The following IQANK1 variants were observed in gnomAD, a reference collection of about 807,000 sequenced individuals.
IQANK1 encodes the protein IQ motif and ankyrin repeat domain-containing protein 1.
IQANK1 carries 30 observed loss-of-function variants against 22.6 expected under a neutral mutation model. The observed-to-expected ratio is 1.33, with a 90% confidence interval of 0.99 to 1.80. The LOEUF (loss-of-function observed/expected upper bound fraction) is 1.80, where lower values mean the gene tolerates loss of function less well. Among genes scored for constraint, IQANK1 ranks in the 40% most tolerant of loss-of-function variants. The pLI is 0.00. For missense variants in IQANK1, 275 were observed against 235.2 expected (o/e 1.17, Z -1.11); for synonymous variants, 122 against 99.6 (o/e 1.23, Z -1.34).
At chr8:143,773,670 A>G (rs1554630051) in intron 7 of IQANK1, among the ~76,000 whole-genome samples, 1 of 152,140 alleles carries the variant, frequency 6.6e-6, no homozygotes, top group African/African-American at 2.4e-5. Context: ...TTGCCCAGCT[A>G]GGGACCCACC....
At chr8:143,750,691 A>G (rs1317748837) in intron 3 of IQANK1, among the ~76,000 whole-genome samples, 4 of 152,068 alleles carry the variant, frequency 2.6e-5, no homozygotes, top group Non-Finnish European at 5.9e-5. Flanking sequence ...GCATGTGCCT[A>G]TAGTGCTAGC....
intron 3 of IQANK1, chr8:143,742,489 G>C (rs554294291): frequency 2.2e-6 from 1 of 455,948 alleles, no homozygotes; most frequent in Non-Finnish European, 4.4e-6. Context: ...CCCGGGACTC[G>C]CCTGTGTCAT....
chr8:143,744,486 A>T (rs1389466432), intron 3 of IQANK1: 2 of 152,186 alleles, frequency 1.3e-5, no homozygotes, highest in African/African-American at 4.8e-5. Flanking sequence ...TACAGAGGCT[A>T]TGTTGGTCGG....
At chr8:143,781,312 G>A (rs1426108859) in intron 7 of IQANK1, among the ~76,000 whole-genome samples, 2 of 152,152 alleles carry the variant, frequency 1.3e-5, no homozygotes, top group African/African-American at 4.8e-5. Flanking sequence ...CTATGCAGAA[G>A]CTCTCATGTT....
intron 3 of IQANK1, among the ~76,000 whole-genome samples, chr8:143,761,890 T>C (rs1237224428): frequency 6.6e-5 from 10 of 151,534 alleles, no homozygotes; most frequent in African/African-American, 2.4e-4. Flanking sequence ...TCCTAACATA[T>C]ATGATGTATA....
rs1554629825 is a variant in IQANK1 at position 143,771,935 on chromosome 8, C to G, written c.441C>G (p.Asp147Glu). The G allele has an allele frequency of 2.6e-6, 1 of 380,066 alleles. No homozygotes were observed. Among genetic ancestry groups the G allele is most frequent in the Non-Finnish European group, 4.5e-6 (1 of 220,854 alleles). 23.5% of individuals were successfully genotyped at this position (380,066 alleles called of 1,614,324 possible). A position where few individuals can be genotyped will look rare whatever the true frequency, so the allele number is the denominator to read the frequency against. The change falls in exon 5 of 14, where the codon GAC (aspartate) becomes GAG (glutamate). Residue 147 changes from aspartate to glutamate, a missense_variant. Physicochemically the swap from Asp to Glu is conservative, Grantham distance 45. Transcript: ENST00000527139. This position sits in a 1 kb window ranked among gnomAD's most constrained non-coding sequence, Gnocchi z 6.0. Reference protein sequence around the residue: ...RRLLDAAFDGDVGEIRAVLKE... With the variant: ...RRLLDAAFDGEVGEIRAVLKE... ...TGCTGGACGCCGCCTTCGACGGGGA[C>G]GTGGGCGAGATCCGGGCGGTGCTGA...
intron 3 of IQANK1, among the ~76,000 whole-genome samples, chr8:143,761,075 G>A (rs1379447228): frequency 1.3e-5 from 2 of 152,236 alleles, no homozygotes; most frequent in Non-Finnish European, 2.9e-5. Flanking sequence ...GCGTCAATGC[G>A]GGTTTCGCCG....
chr8:143,739,625 C>T (rs949441324), intron 2 of IQANK1: 4 of 419,100 alleles, frequency 9.5e-6, no homozygotes, highest in Non-Finnish European at 4.2e-6. Flanking sequence ...TGCCTTCCTG[C>T]GGGCTGGCTC....
chr8:143,756,517 T>C lies in IQANK1; in HGVS notation c.176-14971T>C, dbSNP rs146877053. ...TCTTATGTTTCATCTTCATTCATGG[T>C]ACTCGGTGTACCATGAATTGCTGGT... On this transcript the variant is annotated intron_variant, in intron 3 of 13. Coordinates refer to ENST00000527139, the MANE Select transcript of IQANK1 (RefSeq NM_001381874.1). 4.1e-3 allele frequency among the ~76,000 whole-genome samples: 626 copies of C among 152,254 alleles called. 7 individuals are homozygous for C. Among genetic ancestry groups the C allele is most frequent in the Middle Eastern group, 0.041 (12 of 292 alleles).
chr8:143,789,868 G>A lies in IQANK1; in HGVS notation c.1194G>A (p.Glu398=), dbSNP rs1819988241. 1.6e-6 allele frequency: 2 copies of A among 1,231,952 alleles called. No individual in the cohort carries two copies. The highest frequency in any genetic ancestry group is 1.6e-5 in the African/African-American group (1 of 64,428). 76.3% of individuals were successfully genotyped at this position (1,231,952 alleles called of 1,614,324 possible). Residue 398 remains glutamate (E), a splice_region_variant and synonymous_variant, in exon 11 of 14, where the codon GAG becomes GAA. Coordinates refer to ENST00000527139, the MANE Select transcript of IQANK1 (RefSeq NM_001381874.1). ...ARLELREQTQ[E]GEEEAPGLKC... The stretch of plus-strand genomic sequence containing the variant: ...TGGAGCTTCGGGAGCAGACGCAGGA[G>A]GGTGGGCCTGGCATGGGGCGCCGGC...
intron 3 of IQANK1, among the ~76,000 whole-genome samples, chr8:143,762,449 C>T (rs1037306031): frequency 6.6e-6 from 1 of 152,204 alleles, no homozygotes; most frequent in Non-Finnish European, 1.5e-5. Flanking sequence ...ATCTGCCAGG[C>T]ATGGACATCT....
chr8:143,789,133 G>T, intron 8 of IQANK1, 56 bp from the exon 9 acceptor site: 1 of 401,616 alleles, frequency 2.5e-6, no homozygotes, highest in Non-Finnish European at 4.4e-6. Context: ...CCGGGCAGGG[G>T]GTGCTGGTGG....
At chr8:143,785,172 G>T (rs1331946615) in intron 7 of IQANK1, among the ~76,000 whole-genome samples, 9 of 151,158 alleles carry the variant, frequency 6.0e-5, no homozygotes, top group African/African-American at 2.2e-4. Flanking sequence ...CTGATCCCTT[G>T]TGGAGCTATT....
In IQANK1 at chr8:143,753,432, A is replaced by G. The variant is rs904446590; in HGVS notation, c.175+13484A>G. ...AAAGTCTTTGTCTAGTAGCCATGCC[A>G]TCAAGGTTATTTTTAGGGAAAGTTT... On this transcript the variant is annotated intron_variant, in intron 3 of 13. Transcript: ENST00000527139. Among the ~76,000 whole-genome samples, 5 of 149,522 alleles carry G rather than the reference A, an allele frequency of 3.3e-5. No individual in the cohort carries two copies. In the East Asian group the frequency reaches 5.8e-4, roughly 17 times the overall value.
intron 7 of IQANK1, among the ~76,000 whole-genome samples, chr8:143,779,453 C>T (rs117340801): frequency 0.017 from 2,660 of 152,318 alleles, 26 homozygotes; most frequent in Non-Finnish European, 0.027. Context: ...GCTTATCTCA[C>T]GTATCCATTC....
intron 3 of IQANK1, among the ~76,000 whole-genome samples, chr8:143,769,740 G>A (rs1045126786): frequency 2.6e-5 from 4 of 152,144 alleles, no homozygotes; most frequent in African/African-American, 9.7e-5. Context: ...CATTTCCTCA[G>A]TAGCTTTGAA....
intron 3 of IQANK1, among the ~76,000 whole-genome samples, chr8:143,751,656 G>GTA (rs1430170946): frequency 7.6e-5 from 3 of 39,636 alleles, no homozygotes; most frequent in Non-Finnish European, 9.7e-5. Flanking sequence ...GTGTGTGTGT[G>GTA]TGTGTGTGTA....
intron 7 of IQANK1, among the ~76,000 whole-genome samples, chr8:143,773,021 T>G (rs1227233083): frequency 6.6e-6 from 1 of 152,208 alleles, no homozygotes; most frequent in Non-Finnish European, 1.5e-5. Flanking sequence ...AGTCTGGCTG[T>G]CTGGCCGGGC....
intron 3 of IQANK1, chr8:143,743,188 C>A: frequency 2.7e-6 from 1 of 373,560 alleles, no homozygotes; most frequent in Non-Finnish European, 5.3e-6. Flanking sequence ...CCACTTCTGC[C>A]TCCCTCTTCC....
Sources: gnomAD v4.1 joint callset for allele counts (sites outside exome capture counted in the v4.1 genomes callset) on GRCh38, gnomAD v4.1.1 for gene constraint, Gnocchi (gnomAD v3.1) non-coding constraint, MANE v1.5 for transcripts, NCBI Gene and HGNC (gene_info 2026-07-23, HGNC 2026-07-21) for gene names.